The following NMRK1 variants were observed in gnomAD, a reference collection of about 807,000 sequenced individuals.
NMRK1 encodes nicotinamide riboside kinase 1.
A neutral mutation model predicts 29.9 loss-of-function variants in NMRK1; 28 were observed. The observed-to-expected ratio is 0.94, with a 90% CI of 0.69 to 1.28. NMRK1 has a LOEUF of 1.28. NMRK1 is among the 50% of genes most tolerant of loss of function. The pLI is 0.00. For synonymous variants in NMRK1, 58 were observed against 73.0 expected (o/e 0.79, Z 1.05); for missense variants, 218 against 233.1 (o/e 0.94, Z 0.42).
intron 6 of NMRK1, 176 bp from the exon 7 acceptor site, chr9:75,069,278 G>T: frequency 1.8e-6 from 1 of 553,010 alleles, no homozygotes; most frequent in South Asian, 2.8e-5. Flanking sequence ...CATGGATTTA[G>T]TTCTTTGATA....
In NMRK1 at chr9:75,088,122, T is replaced by C. The variant is rs913942546; in HGVS notation, c.-150A>G. 1 of 152,054 alleles carries C rather than the reference T, an allele frequency of 6.6e-6. No homozygotes were observed. Among genetic ancestry groups the C allele is most frequent in the Admixed American group, 6.6e-5 (1 of 15,244 alleles). The allele number at this position is 152,054 out of a possible 1,614,324, so 9.4% of individuals were successfully genotyped here. On this transcript the variant is annotated 5_prime_UTR_variant, in exon 1 of 9. Coordinates refer to ENST00000361092, the MANE Select transcript of NMRK1 (RefSeq NM_017881.3). ...CTCCCCGAGAGGCCCACAGCCCCTT[T>C]CCCCACGCTCCTCCTGGGTTAGAGG... is the stretch of plus-strand genomic sequence containing the variant.
intron 7 of NMRK1, among the ~76,000 whole-genome samples, chr9:75,067,734 A>G (rs1587363468): frequency 6.6e-6 from 1 of 152,320 alleles, no homozygotes. Context: ...CTTGCAACCA[A>G]TGGTCCAAGT....
chr9:75,081,158 A>G (rs1051626564), intron 2 of NMRK1, among the ~76,000 whole-genome samples: 1 of 152,194 alleles, frequency 6.6e-6, no homozygotes, highest in Non-Finnish European at 1.5e-5. Flanking sequence ...TTCCCTATGA[A>G]GTAATTATTC....
chr9:75,070,505 A>T (rs1823636635), intron 4 of NMRK1, among the ~76,000 whole-genome samples: 1 of 152,248 alleles, frequency 6.6e-6, no homozygotes, highest in Non-Finnish European at 1.5e-5. Flanking sequence ...CTAGATAAAT[A>T]ACTAAAAGTC....
At chr9:75,066,299 C>T (rs899106192) in intron 8 of NMRK1, 1 of 517,786 alleles carries the variant, frequency 1.9e-6, no homozygotes, top group Non-Finnish European at 3.9e-6. Flanking sequence ...AATATGAAAA[C>T]CTTAAACAAA....
intron 2 of NMRK1, among the ~76,000 whole-genome samples, chr9:75,077,873 T>A (rs1389699815): frequency 6.6e-6 from 1 of 152,212 alleles, no homozygotes; most frequent in Admixed American, 6.5e-5. Flanking sequence ...TGACCTCAGA[T>A]GATCCACCTG....
intron 1 of NMRK1, among the ~76,000 whole-genome samples, chr9:75,086,678 G>C (rs750938419): frequency 3.9e-5 from 6 of 152,202 alleles, no homozygotes; most frequent in Non-Finnish European, 7.3e-5. Context: ...CTCTAACGCA[G>C]CTCTCTAACG....
intron 7 of NMRK1, chr9:75,067,233 T>A (rs1419891088): frequency 5.9e-6 from 1 of 169,098 alleles, no homozygotes; most frequent in African/African-American, 2.4e-5. Flanking sequence ...CAGGATCACC[T>A]GGGAAGCTTC....
chr9:75,086,771 A>C (rs527561938), intron 1 of NMRK1, among the ~76,000 whole-genome samples: 3 of 152,204 alleles, frequency 2.0e-5, no homozygotes, highest in Non-Finnish European at 4.4e-5. Context: ...TAAAAAGAGA[A>C]AAATGTTTCC....
intron 2 of NMRK1, chr9:75,078,569 C>T: frequency 2.4e-6 from 3 of 1,274,990 alleles, no homozygotes; most frequent in Non-Finnish European, 2.0e-6. Flanking sequence ...CGTGTTTTAA[C>T]CTGGGGCTCA....
intron 4 of NMRK1, among the ~76,000 whole-genome samples, chr9:75,075,744 A>G (rs937194531): frequency 6.6e-6 from 1 of 152,248 alleles, no homozygotes; most frequent in Non-Finnish European, 1.5e-5. Flanking sequence ...AGAAAAAAAC[A>G]AAACCAAACC....
intron 2 of NMRK1, among the ~76,000 whole-genome samples, chr9:75,081,829 C>G (rs896764527): frequency 6.6e-6 from 1 of 152,188 alleles, no homozygotes; most frequent in Non-Finnish European, 1.5e-5. Context: ...GGAAGAGAAG[C>G]ATTTCCCCTT....
chr9:75,073,315 C>T (rs1250243786), intron 4 of NMRK1, among the ~76,000 whole-genome samples: 1 of 152,216 alleles, frequency 6.6e-6, no homozygotes, highest in Non-Finnish European at 1.5e-5. Flanking sequence ...GGAACCCACC[C>T]TGCTGACACC....
At chr9:75,070,490 C>A (rs748311888) in intron 4 of NMRK1, among the ~76,000 whole-genome samples, 1 of 152,204 alleles carries the variant, frequency 6.6e-6, no homozygotes, top group Non-Finnish European at 1.5e-5. Context: ...TACCAAAGAG[C>A]TCTTCTAGAT....
intron 1 of NMRK1, among the ~76,000 whole-genome samples, chr9:75,085,341 TA>T (rs977936244): frequency 5.9e-5 from 9 of 152,246 alleles, no homozygotes; most frequent in African/African-American, 2.2e-4. Context: ...GATATTAAAC[TA>T]AACCAATTGA....
Position 75,065,172 on chromosome 9 carries a change from T to C in NMRK1, c.580+1585A>G, listed in dbSNP as rs28422158. ...GTGCCACTATGCCCAGCTAATTTTTTATTTTTATTTTTTTGAGACAGAGTC... is the reference window on the plus strand; with the variant it reads ...GTGCCACTATGCCCAGCTAATTTTTCATTTTTATTTTTTTGAGACAGAGTC... On this transcript the variant is annotated intron_variant, in intron 8 of 8. Coordinates refer to ENST00000361092, the MANE Select transcript of NMRK1 (RefSeq NM_017881.3). Among the ~76,000 whole-genome samples, 5 of 152,194 alleles carry C rather than the reference T, an allele frequency of 3.3e-5. No homozygotes were observed. In the Middle Eastern group the frequency reaches 0.01, roughly 313 times the overall value.
intron 1 of NMRK1, among the ~76,000 whole-genome samples, chr9:75,086,733 A>G (rs559377453): frequency 6.6e-6 from 1 of 152,310 alleles, no homozygotes; most frequent in East Asian, 1.9e-4. Context: ...GTGCTCTTCA[A>G]ATGTATCTAC....
At chr9:75,080,232 A>G (rs911276141) in intron 2 of NMRK1, among the ~76,000 whole-genome samples, 2 of 152,250 alleles carry the variant, frequency 1.3e-5, no homozygotes, top group African/African-American at 4.8e-5. Flanking sequence ...GAGATGGGAA[A>G]GTCTAATGCC....
intron 2 of NMRK1, 149 bp downstream of exon 2, chr9:75,082,938 C>T: frequency 1.6e-6 from 1 of 638,644 alleles, no homozygotes; most frequent in Non-Finnish European, 2.8e-6. Context: ...ATTTATGAAG[C>T]CAGTGCTCCA....
Sources: gnomAD v4.1 joint callset for allele counts (sites outside exome capture counted in the v4.1 genomes callset) on GRCh38, gnomAD v4.1.1 for gene constraint, MANE v1.5 for transcripts, NCBI Gene and HGNC (gene_info 2026-07-23, HGNC 2026-07-21) for gene names.